MAD1L1: variants seen among roughly 807,000 people sequenced by gnomAD.
MAD1L1 encodes the protein mitotic spindle assembly checkpoint protein MAD1.
A neutral mutation model predicts 96.9 loss-of-function variants in MAD1L1; 95 were observed. That is an observed-to-expected ratio of 0.98 (90% CI 0.83 to 1.16). MAD1L1 has a LOEUF of 1.16. Ranked by LOEUF, MAD1L1 falls within the 50% of genes most tolerant of loss-of-function variation. MAD1L1 has a pLI of 0.00. For synonymous variants in MAD1L1, 473 were observed against 396.6 expected (o/e 1.19, Z -2.29); for missense variants, 1,007 against 954.4 (o/e 1.06, Z -0.73).
intron 18 of MAD1L1, among the ~76,000 whole-genome samples, chr7:1,888,266 G>A (rs1786275215): frequency 1.5e-5 from 2 of 132,502 alleles, no homozygotes; most frequent in South Asian, 5.0e-4. Context: ...ATGCATGGGT[G>A]CAGCTGCCTG....
At chr7:2,190,438 CA>C (rs1171518078) in intron 10 of MAD1L1, among the ~76,000 whole-genome samples, 3 of 152,106 alleles carry the variant, frequency 2.0e-5, no homozygotes, top group Admixed American at 6.5e-5. Flanking sequence ...ACAAAAAACA[CA>C]AACCATAAAG....
At chr7:2,093,697 G>GCCC (rs751056682) in intron 11 of MAD1L1, among the ~76,000 whole-genome samples, 7 of 152,132 alleles carry the variant, frequency 4.6e-5, no homozygotes, top group Non-Finnish European at 1.0e-4. Context: ...AGAGGAAGTG[G>GCCC]CCCCCAAGAC....
intron 11 of MAD1L1, among the ~76,000 whole-genome samples, chr7:2,094,920 C>T (rs183523420): frequency 2.0e-5 from 3 of 152,284 alleles, no homozygotes; most frequent in Non-Finnish European, 4.4e-5. Context: ...GATGGTGATG[C>T]CGTGTTCATG....
chr7:2,127,979 C>G (rs527914111), intron 11 of MAD1L1, among the ~76,000 whole-genome samples: 5 of 152,284 alleles, frequency 3.3e-5, no homozygotes, highest in African/African-American at 1.2e-4. Flanking sequence ...GTCCACCTCT[C>G]GGAACTTCAT....
chr7:2,016,594 G>A (rs551702650), intron 12 of MAD1L1, among the ~76,000 whole-genome samples: 179 of 152,318 alleles, frequency 1.2e-3, no homozygotes, highest in African/African-American at 4.1e-3. Context: ...CCCCACAGGC[G>A]AGGAGGGCGA....
chr7:2,020,677 G>A (rs1055461648), intron 12 of MAD1L1, among the ~76,000 whole-genome samples: 2 of 152,130 alleles, frequency 1.3e-5, no homozygotes, highest in African/African-American at 2.4e-5. Context: ...GGAAAACATC[G>A]GACGGACTTC....
chr7:2,056,648 C>G (rs186642010), intron 12 of MAD1L1, among the ~76,000 whole-genome samples: 1 of 152,142 alleles, frequency 6.6e-6, no homozygotes, highest in Non-Finnish European at 1.5e-5. Context: ...AGAGCTCCCA[C>G]GGGCTCCCAC....
intron 18 of MAD1L1, among the ~76,000 whole-genome samples, chr7:1,870,154 T>C (rs1020262765): frequency 3.3e-5 from 5 of 151,994 alleles, no homozygotes; most frequent in African/African-American, 1.2e-4. Flanking sequence ...AGGTGGCAGC[T>C]CACGATGTGT....
chr7:2,105,132 C>A (rs527807728), intron 11 of MAD1L1, among the ~76,000 whole-genome samples: 2 of 152,102 alleles, frequency 1.3e-5, no homozygotes, highest in African/African-American at 4.8e-5. Context: ...CTCTGCAGCC[C>A]GGGAGAGCCT....
chr7:1,827,430 C>T (rs1434099887), intron 18 of MAD1L1, among the ~76,000 whole-genome samples: 6 of 138,192 alleles, frequency 4.3e-5, no homozygotes, highest in Admixed American at 7.3e-5. Flanking sequence ...CTCCTGAGCC[C>T]GTCGCGGGTG....
At chr7:1,945,671 T>G (rs1193053629) in intron 16 of MAD1L1, among the ~76,000 whole-genome samples, 1 of 152,188 alleles carries the variant, frequency 6.6e-6, no homozygotes, top group African/African-American at 2.4e-5. Flanking sequence ...GAGCCCTCTT[T>G]CATGTATTCT....
intron 10 of MAD1L1, among the ~76,000 whole-genome samples, chr7:2,161,474 G>A (rs2128588558): frequency 6.6e-6 from 1 of 152,156 alleles, no homozygotes; most frequent in South Asian, 2.1e-4. Context: ...CCTCCCAGCC[G>A]CCTGACTTGG....
intron 12 of MAD1L1, among the ~76,000 whole-genome samples, chr7:2,017,662 A>T (rs1782602713): frequency 6.6e-6 from 1 of 152,114 alleles, no homozygotes; most frequent in Non-Finnish European, 1.5e-5. Context: ...CGCCCAGAGG[A>T]CCCTTGCGAA....
Position 1,884,620 on chromosome 7 carries a change from A to ACGAC in MAD1L1, c.1998+13576_1998+13579dup, listed in dbSNP as rs532923401. ...TCCAAAATGTCACCAGGTCTAAGAG[A>ACGAC]CGACCGAGAGTGGCCTGGTGAGACA... On this transcript the variant is annotated intron_variant, in intron 18 of 18. Coordinates refer to ENST00000265854, the MANE Select transcript of MAD1L1 (RefSeq NM_001013836.2). Among the ~76,000 whole-genome samples the ACGAC allele has an allele frequency of 3.3e-3, 503 of 152,322 alleles. 1 individual carries two copies. The highest frequency in any genetic ancestry group is 0.012 in the African/African-American group (480 of 41,576).
At chr7:2,165,358 G>A (rs1450863729) in intron 10 of MAD1L1, among the ~76,000 whole-genome samples, 6 of 152,328 alleles carry the variant, frequency 3.9e-5, no homozygotes, top group South Asian at 4.1e-4. Context: ...CTGGACGAGT[G>A]CACATGTTCC....
chr7:1,864,220 G>A (rs1784665843), intron 18 of MAD1L1, among the ~76,000 whole-genome samples: 1 of 152,206 alleles, frequency 6.6e-6, no homozygotes. Context: ...CCGCTTTCCT[G>A]GCCACTTGTG....
At chr7:2,016,345 C>T (rs945865828) in intron 12 of MAD1L1, among the ~76,000 whole-genome samples, 1 of 152,220 alleles carries the variant, frequency 6.6e-6, no homozygotes, top group Admixed American at 6.5e-5. Flanking sequence ...CCAGTACTGG[C>T]TGAAAGGGCA....
At chr7:2,027,391 A>G (rs909054112) in intron 12 of MAD1L1, among the ~76,000 whole-genome samples, 1 of 152,204 alleles carries the variant, frequency 6.6e-6, no homozygotes, top group Admixed American at 6.5e-5. Context: ...CCTGAAAACG[A>G]CATTCTGAGA....
intron 11 of MAD1L1, among the ~76,000 whole-genome samples, chr7:2,144,289 C>T (rs1328992713): frequency 3.3e-5 from 5 of 152,346 alleles, no homozygotes; most frequent in African/African-American, 7.2e-5. Context: ...AGGGCAGATG[C>T]GAGACAAACA....
Sources: allele counts gnomAD v4.1 joint callset (sites outside exome capture counted in the v4.1 genomes callset), GRCh38; gene constraint gnomAD v4.1.1; transcripts MANE v1.5; gene names NCBI Gene and HGNC (gene_info 2026-07-23, HGNC 2026-07-21).